AKT3: variants seen among roughly 807,000 people sequenced by gnomAD.
AKT3 encodes the protein RAC-gamma serine/threonine-protein kinase.
AKT3 carries 15 observed loss-of-function variants against 65.3 expected under a neutral mutation model. The ratio of observed to expected loss-of-function variants is 0.23; its 90% CI spans 0.15 to 0.35. The LOEUF (loss-of-function observed/expected upper bound fraction) is 0.35. AKT3 is among the 10% of genes least tolerant of loss of function. AKT3 has a pLI of 1.00. For missense variants in AKT3, 243 were observed against 576.5 expected (o/e 0.42, Z 5.92); for synonymous variants, 206 against 183.8 (o/e 1.12, Z -0.98).
Position 243,505,109 on chromosome 1 carries a change from G to A in AKT3, c.*140C>T. The A allele has an allele frequency of 1.5e-6, 1 of 667,934 alleles. No homozygotes were observed. The highest frequency in any genetic ancestry group is 2.6e-6 in the Non-Finnish European group (1 of 387,008). 41.4% of individuals were successfully genotyped at this position (667,934 alleles called of 1,614,324 possible). ...GTGTGTTTTCATGAGGGTGAAAGGT[G>A]GCGAGGGGTGAGGACCCTTGGCTGG... On this transcript the variant is annotated 3_prime_UTR_variant, in exon 14 of 14. Coordinates refer to ENST00000673466, the MANE Select transcript of AKT3 (RefSeq NM_005465.7).
intron 2 of AKT3, among the ~76,000 whole-genome samples, chr1:243,831,397 C>T (rs1369988347): frequency 6.6e-6 from 1 of 152,076 alleles, no homozygotes; most frequent in Non-Finnish European, 1.5e-5. Flanking sequence ...TTTTGTAAGA[C>T]CATGATCTGG....
intron 8 of AKT3, among the ~76,000 whole-genome samples, chr1:243,588,090 C>T (rs2148543432): frequency 6.6e-6 from 1 of 152,230 alleles, no homozygotes; most frequent in Admixed American, 6.5e-5. Context: ...AAATCACAAA[C>T]CTAATTCAAG....
At chr1:243,549,116 T>C (rs1327087662) in intron 11 of AKT3, among the ~76,000 whole-genome samples, 1 of 152,186 alleles carries the variant, frequency 6.6e-6, no homozygotes, top group African/African-American at 2.4e-5. Context: ...ATAGTTATGG[T>C]TCCCAATCCA....
chr1:243,542,441 G>T (rs1301515693), intron 12 of AKT3, among the ~76,000 whole-genome samples: 1 of 152,122 alleles, frequency 6.6e-6, no homozygotes, highest in Non-Finnish European at 1.5e-5. Flanking sequence ...CCTAGAAAGA[G>T]ATTCAGATCT....
chr1:243,702,937 A>T (rs1378377530), intron 2 of AKT3: 2 of 152,220 alleles, frequency 1.3e-5, no homozygotes, highest in Non-Finnish European at 2.9e-5. Flanking sequence ...TTCAAAGAGC[A>T]GCTTTAAACC....
chr1:243,811,651 T>C (rs974681684), intron 2 of AKT3, among the ~76,000 whole-genome samples: 16 of 152,190 alleles, frequency 1.1e-4, no homozygotes, highest in East Asian at 1.9e-4. Flanking sequence ...TGACTTTCTT[T>C]ACAGAATTGG....
At chr1:243,511,109 C>T (rs1669984451) in intron 13 of AKT3, among the ~76,000 whole-genome samples, 1 of 152,272 alleles carries the variant, frequency 6.6e-6, no homozygotes, top group Non-Finnish European at 1.5e-5. Flanking sequence ...TGCCTCACCA[C>T]AGGACTGACC....
At chr1:243,761,347 A>G (rs1689480252) in intron 2 of AKT3, among the ~76,000 whole-genome samples, 1 of 152,200 alleles carries the variant, frequency 6.6e-6, no homozygotes, top group Non-Finnish European at 1.5e-5. Flanking sequence ...GCTAAATATC[A>G]TAATTTAGAC....
At chr1:243,826,302 G>C (rs1018674012) in intron 2 of AKT3, among the ~76,000 whole-genome samples, 2 of 152,156 alleles carry the variant, frequency 1.3e-5, no homozygotes, top group African/African-American at 4.8e-5. Context: ...ATCTGATTGA[G>C]AACTGAAGTA....
intron 8 of AKT3, among the ~76,000 whole-genome samples, chr1:243,610,816 G>GTATACTTTA (rs1677815738): frequency 6.6e-6 from 1 of 152,164 alleles, no homozygotes; most frequent in Non-Finnish European, 1.5e-5. Context: ...CACAACAGAA[G>GTATACTTTA]TATGCTTTAT....
intron 2 of AKT3, among the ~76,000 whole-genome samples, chr1:243,830,472 G>T (rs543033322): frequency 6.6e-6 from 1 of 152,220 alleles, no homozygotes; most frequent in Admixed American, 6.5e-5. Flanking sequence ...TAGAAAGAGG[G>T]ATTTTAGGGA....
intron 2 of AKT3, among the ~76,000 whole-genome samples, chr1:243,803,861 GACA>G (rs2148374513): frequency 6.6e-6 from 1 of 152,284 alleles, no homozygotes; most frequent in East Asian, 1.9e-4. Flanking sequence ...ATGAAAAACT[GACA>G]TAAGGAGGAA....
intron 2 of AKT3, among the ~76,000 whole-genome samples, chr1:243,709,835 T>G (rs1686035420): frequency 6.6e-6 from 1 of 152,230 alleles, no homozygotes; most frequent in South Asian, 2.1e-4. Flanking sequence ...ATTATGAACT[T>G]TGATGCTGTG....
chr1:243,748,044 C>T (rs1173007873), intron 2 of AKT3, among the ~76,000 whole-genome samples: 5 of 152,114 alleles, frequency 3.3e-5, no homozygotes, highest in African/African-American at 1.2e-4. Flanking sequence ...CATCTTTCCC[C>T]TGTCAAATGA....
intron 12 of AKT3, among the ~76,000 whole-genome samples, chr1:243,524,719 A>C (rs1230493236): frequency 6.6e-6 from 1 of 152,238 alleles, no homozygotes; most frequent in African/African-American, 2.4e-5. Flanking sequence ...ATAATGCATA[A>C]TTAAGAACAA....
At chr1:243,513,389 G>T (rs191512165) in intron 12 of AKT3, among the ~76,000 whole-genome samples, 2 of 152,182 alleles carry the variant, frequency 1.3e-5, no homozygotes, top group Admixed American at 1.3e-4. Context: ...GTTCTCACGG[G>T]GATAGGAACA....
At chr1:243,744,117 G>A (rs1688328803) in intron 2 of AKT3, among the ~76,000 whole-genome samples, 1 of 152,076 alleles carries the variant, frequency 6.6e-6, no homozygotes, top group South Asian at 2.1e-4. Context: ...GTCATGCAGT[G>A]GAAATATAAT....
intron 2 of AKT3, among the ~76,000 whole-genome samples, chr1:243,698,097 G>A (rs566266644): frequency 5.9e-5 from 9 of 151,704 alleles, no homozygotes; most frequent in Non-Finnish European, 8.8e-5. Flanking sequence ...CAATTCCCAC[G>A]TTGAAAAATA....
At chr1:243,635,339 C>A (rs1169018107) in intron 6 of AKT3, among the ~76,000 whole-genome samples, 1 of 150,916 alleles carries the variant, frequency 6.6e-6, no homozygotes, top group African/African-American at 2.4e-5. Context: ...AGAGAGATTG[C>A]AAATCAACAA....
Sources: gnomAD v4.1 joint callset for allele counts (sites outside exome capture counted in the v4.1 genomes callset) on GRCh38, gnomAD v4.1.1 for gene constraint, MANE v1.5 for transcripts, NCBI Gene and HGNC (gene_info 2026-07-23, HGNC 2026-07-21) for gene names.